SCARB1: variants seen among roughly 807,000 people sequenced by gnomAD.
The protein encoded by SCARB1 is CD36 and LIMPII analogous 1.
SCARB1 carries 30 observed loss-of-function variants against 57.2 expected under a neutral mutation model. The observed-to-expected ratio is 0.52, with a 90% CI of 0.39 to 0.71. The LOEUF (loss-of-function observed/expected upper bound fraction) is 0.71. Ranked by LOEUF, SCARB1 falls within the 30% of genes least tolerant of loss-of-function variation. The pLI is 0.00. For synonymous variants in SCARB1, 249 were observed against 268.3 expected (o/e 0.93, Z 0.70); for missense variants, 543 against 671.2 (o/e 0.81, Z 2.11).
At chr12:124,811,559 C>CT (rs1208254184) in intron 5 of SCARB1, among the ~76,000 whole-genome samples, 1 of 152,224 alleles carries the variant, frequency 6.6e-6, no homozygotes, top group African/African-American at 2.4e-5. Flanking sequence ...CAGGCATGAA[C>CT]TACCACGCCC....
At position 124,800,158 on chromosome 12, in the gene SCARB1, T is replaced by C; in HGVS notation, c.1094A>G (p.Gln365Arg). The change falls in exon 8 of 13, where the codon CAG (glutamine) becomes CGG (arginine). Residue 365 changes from glutamine (Q) to arginine (R), a missense_variant. Physicochemically the swap from Gln to Arg is conservative, Grantham distance 43 (BLOSUM62 1). Transcript: ENST00000261693. This position sits in a 1 kb window ranked among gnomAD's most constrained non-coding sequence, Gnocchi z 4.8. ...AEAVTGLHPN[Q>R]EAHSLFLDIH... ...GTCCAGGAACAAGGAGTGTGCCTCC[T>C]GGTTAGGGTGCAGGCCAGTCACCGC... is the stretch of plus-strand genomic sequence containing the variant. 1 of 1,613,754 alleles carries C rather than the reference T, an allele frequency of 6.2e-7. No individual in the cohort carries two copies. Among genetic ancestry groups the C allele is most frequent in the Non-Finnish European group, 8.5e-7 (1 of 1,179,902 alleles).
chr12:124,786,870 A>G (rs966942460), intron 10 of SCARB1, among the ~76,000 whole-genome samples: 7 of 152,230 alleles, frequency 4.6e-5, no homozygotes, highest in African/African-American at 1.7e-4. Context: ...CTGCCTCCCC[A>G]TCAACCCACT....
chr12:124,793,807 C>T (rs1445668379), intron 9 of SCARB1, among the ~76,000 whole-genome samples: 2 of 152,050 alleles, frequency 1.3e-5, no homozygotes, highest in Admixed American at 6.6e-5. Flanking sequence ...TTCCACCCCT[C>T]GGTACATACC....
At chr12:124,862,453 G>C (rs1212256981) in intron 1 of SCARB1, 1 of 152,214 alleles carries the variant, frequency 6.6e-6, no homozygotes, top group Non-Finnish European at 1.5e-5. Flanking sequence ...AAGTGTGGCA[G>C]CCAGATCTAA....
At chr12:124,811,142 A>G (rs1950511673) in intron 5 of SCARB1, among the ~76,000 whole-genome samples, 1 of 152,252 alleles carries the variant, frequency 6.6e-6, no homozygotes, top group South Asian at 2.1e-4. Context: ...AGGTGTGCAC[A>G]TGGGTAAAAA....
chr12:124,838,449 G>T (rs10773109), intron 1 of SCARB1, among the ~76,000 whole-genome samples: 29 of 151,972 alleles, frequency 1.9e-4, no homozygotes, highest in Non-Finnish European at 1.8e-4. Context: ...TATTGTTACA[G>T]GAGCCTCCCT....
In SCARB1 at chr12:124,789,048, C is replaced by A. The variant is rs1949629375; in HGVS notation, c.1203-1591G>T. Among the ~76,000 whole-genome samples, 1 of 152,148 alleles carries A rather than the reference C, an allele frequency of 6.6e-6. No homozygotes were observed. The highest frequency in any genetic ancestry group is 1.5e-5 in the Non-Finnish European group (1 of 68,036). On this transcript the variant is annotated intron_variant, in intron 9 of 12. Coordinates refer to ENST00000261693, the MANE Select transcript of SCARB1 (RefSeq NM_005505.5). This position sits in a 1 kb window ranked among gnomAD's most constrained non-coding sequence, Gnocchi z 4.4. Reference sequence around the variant, plus strand: ...CCCTCAGGAAGATATGTTCTTATTACCTGTGAAGTTAAAACTTACACGTCA... The same window carrying A: ...CCCTCAGGAAGATATGTTCTTATTAACTGTGAAGTTAAAACTTACACGTCA...
chr12:124,799,196 A>T (rs1015725610), intron 8 of SCARB1, among the ~76,000 whole-genome samples: 1 of 152,182 alleles, frequency 6.6e-6, no homozygotes, highest in African/African-American at 2.4e-5. Flanking sequence ...CATGTTGTAC[A>T]CTCAAAAATA....
intron 12 of SCARB1, among the ~76,000 whole-genome samples, chr12:124,782,197 C>T (rs906652878): frequency 2.0e-5 from 3 of 152,138 alleles, no homozygotes; most frequent in South Asian, 2.1e-4. Context: ...TGTGAGCCAC[C>T]GCACCTGGCC....
chr12:124,814,494 C>A lies in SCARB1; in HGVS notation c.427-89G>T. On this transcript the variant is annotated intron_variant, in intron 3 of 12. Transcript: ENST00000261693. The surrounding 1 kb of genome is among the most constrained non-coding windows in gnomAD (Gnocchi z 4.7). ...CAGCTGGGCCTCACAGCAAAGAGCC[C>A]ATGAAGGGAAATGCTGGGGTGCAGG... The A allele has an allele frequency of 7.1e-7, 1 of 1,402,538 alleles. No homozygotes were observed. The highest frequency in any genetic ancestry group is 1.2e-5 in the South Asian group (1 of 84,968). The allele number at this position is 1,402,538 out of a possible 1,614,324, so 86.9% of individuals were successfully genotyped here.
chr12:124,836,505 C>T (rs919993516), intron 1 of SCARB1, among the ~76,000 whole-genome samples: 3 of 152,152 alleles, frequency 2.0e-5, no homozygotes, highest in Admixed American at 6.5e-5. Flanking sequence ...TTAAACCTAA[C>T]AATTAGGCTG....
intron 1 of SCARB1, among the ~76,000 whole-genome samples, chr12:124,856,118 G>C (rs1952612586): frequency 6.6e-6 from 1 of 152,244 alleles, no homozygotes; most frequent in Admixed American, 6.5e-5. Flanking sequence ...AACCCCAGGT[G>C]CTGGGCCTGG....
Position 124,817,441 on chromosome 12 carries a change from G to T in SCARB1, c.284+109C>A. On this transcript the variant is annotated intron_variant, in intron 2 of 12. Coordinates refer to ENST00000261693, the MANE Select transcript of SCARB1 (RefSeq NM_005505.5). The surrounding 1 kb of genome is among the most constrained non-coding windows in gnomAD (Gnocchi z 4.8). ...CCCGACTATGACTTGCCTGCTTCCG[G>T]AACAATCTCTGGGGCTCAGTCAGCA... 8.8e-7 allele frequency: 1 copy of T among 1,139,106 alleles called. No homozygotes were observed. Among genetic ancestry groups the T allele is most frequent in the Non-Finnish European group, 1.3e-6 (1 of 784,510 alleles). 70.6% of individuals were successfully genotyped at this position (1,139,106 alleles called of 1,614,324 possible). A position where few individuals can be genotyped will look rare whatever the true frequency, so the allele number is the denominator to read the frequency against.
Position 124,807,946 on chromosome 12 carries a change from A to G in SCARB1, c.843-19T>C. On this transcript the variant is annotated intron_variant, in intron 6 of 12. Coordinates refer to ENST00000261693, the MANE Select transcript of SCARB1 (RefSeq NM_005505.5). This position sits in a 1 kb window ranked among gnomAD's most constrained non-coding sequence, Gnocchi z 5.3. ...CATGGATCTGCAGGGGACAGACAGG[A>G]TGAGAGGGGACACCCAGACCCGGCG... The G allele has an allele frequency of 6.2e-7, 1 of 1,613,572 alleles. No homozygotes were observed. The highest frequency in any genetic ancestry group is 1.1e-5 in the South Asian group (1 of 91,060).
At chr12:124,783,601 T>C (rs934897859) in intron 11 of SCARB1, 1 of 152,050 alleles carries the variant, frequency 6.6e-6, no homozygotes, top group African/African-American at 2.4e-5. Flanking sequence ...ACCCCGCCTC[T>C]ACTCAATATA....
chr12:124,792,026 A>T (rs1314940916), intron 9 of SCARB1, among the ~76,000 whole-genome samples: 1 of 151,928 alleles, frequency 6.6e-6, no homozygotes, highest in African/African-American at 2.4e-5. Context: ...TAAGTAGGGT[A>T]TTGCACAGTG....
chr12:124,837,712 A>AC lies in SCARB1; in HGVS notation c.127-20006dup, dbSNP rs1195794400. ...GACGAGCCTGGGCAACATAGTGAGG[A>AC]CCCCCCCTACACACCCACCCACCAA... On this transcript the variant is annotated intron_variant, in intron 1 of 12. Coordinates refer to ENST00000261693, the MANE Select transcript of SCARB1 (RefSeq NM_005505.5). 5.4e-4 allele frequency among the ~76,000 whole-genome samples: 80 copies of AC among 148,706 alleles called. No individual in the cohort carries two copies. The East Asian group carries it at 0.012, about 22-fold the overall frequency.
At position 124,827,195 on chromosome 12, in the gene SCARB1, G is replaced by A. The variant is rs572965411; in HGVS notation, c.127-9488C>T. 3.3e-5 allele frequency among the ~76,000 whole-genome samples: 5 copies of A among 152,188 alleles called. No individual in the cohort carries two copies. In the South Asian group the frequency reaches 8.3e-4, roughly 25 times the overall value. On this transcript the variant is annotated intron_variant, in intron 1 of 12. Transcript: ENST00000261693. ...CGGCCGGGAGCATCGGCAGACTCGC[G>A]TCTTAAGAGCCGAGCTCCCCGAAAA... is the stretch of plus-strand genomic sequence containing the variant.
At chr12:124,840,979 C>G (rs982867216) in intron 1 of SCARB1, among the ~76,000 whole-genome samples, 7 of 151,836 alleles carry the variant, frequency 4.6e-5, no homozygotes, top group Non-Finnish European at 8.8e-5. Flanking sequence ...GACCAGCCTG[C>G]CCAACATGGT....
Sources: gnomAD v4.1 joint callset for allele counts (sites outside exome capture counted in the v4.1 genomes callset) on GRCh38, gnomAD v4.1.1 for gene constraint, Gnocchi (gnomAD v3.1) non-coding constraint, MANE v1.5 for transcripts, NCBI Gene and HGNC (gene_info 2026-07-23, HGNC 2026-07-21) for gene names.